DLGAP1: variants seen among roughly 807,000 people sequenced by gnomAD.
DLGAP1 encodes the protein disks large-associated protein 1.
In DLGAP1, 11 loss-of-function variants were observed where a neutral mutation model predicts 90.8. The observed-to-expected ratio is 0.12, with a 90% CI of 0.08 to 0.20. The LOEUF (loss-of-function observed/expected upper bound fraction) is 0.20, where lower values mean the gene tolerates loss of function less well. Among genes scored for constraint, DLGAP1 ranks in the 10% least tolerant of loss-of-function variants. The probability of loss-of-function intolerance (pLI) is 1.00; values close to 1 mark genes in which losing one functional copy is unlikely to be tolerated. For synonymous variants in DLGAP1, 558 were observed against 540.7 expected (o/e 1.03, Z -0.44); for missense variants, 1,050 against 1,333.8 (o/e 0.79, Z 3.31).
chr18:3,674,250 A>G (rs945257115), intron 7 of DLGAP1, among the ~76,000 whole-genome samples: 25 of 149,776 alleles, frequency 1.7e-4, no homozygotes, highest in African/African-American at 5.9e-4. Context: ...CAGGAGTTTG[A>G]GAACAGCCTG....
At chr18:3,514,619 A>C (rs2143970272) in intron 10 of DLGAP1, among the ~76,000 whole-genome samples, 1 of 152,308 alleles carries the variant, frequency 6.6e-6, no homozygotes, top group African/African-American at 2.4e-5. Context: ...ACAATAAATG[A>C]ATATCACAAT....
chr18:3,985,521 C>T (rs2073824243), intron 3 of DLGAP1, among the ~76,000 whole-genome samples: 1 of 145,702 alleles, frequency 6.9e-6, no homozygotes, highest in Non-Finnish European at 1.5e-5. Flanking sequence ...CTTCGACTTA[C>T]TTTTTTTTTT....
At chr18:4,332,050 GA>G (rs2080964785) in intron 1 of DLGAP1, among the ~76,000 whole-genome samples, 1 of 151,890 alleles carries the variant, frequency 6.6e-6, no homozygotes, top group Non-Finnish European at 1.5e-5. Context: ...GTCACATAAA[GA>G]AAGTGAGCCC....
chr18:3,539,750 T>C (rs1276920504), intron 9 of DLGAP1, among the ~76,000 whole-genome samples: 1 of 152,198 alleles, frequency 6.6e-6, no homozygotes, highest in African/African-American at 2.4e-5. Context: ...GCACAGTCAT[T>C]ATCTTTATGA....
chr18:3,541,346 T>G (rs2052682201), intron 9 of DLGAP1, among the ~76,000 whole-genome samples: 2 of 152,198 alleles, frequency 1.3e-5, no homozygotes, highest in Admixed American at 1.3e-4. Context: ...TATGCCAAGT[T>G]TCAGGCTTTT....
intron 1 of DLGAP1, among the ~76,000 whole-genome samples, chr18:4,213,329 T>C (rs1409763352): frequency 1.3e-5 from 2 of 152,122 alleles, no homozygotes; most frequent in African/African-American, 2.4e-5. Flanking sequence ...TGGAGGAGCA[T>C]GGCAGAAACT....
chr18:4,244,601 T>C (rs1231224274), intron 1 of DLGAP1, among the ~76,000 whole-genome samples: 2 of 152,178 alleles, frequency 1.3e-5, no homozygotes, highest in Non-Finnish European at 2.9e-5. Flanking sequence ...CTGCTGGTCA[T>C]TCTTCGTTGA....
intron 7 of DLGAP1, among the ~76,000 whole-genome samples, chr18:3,627,686 G>GCC (rs2058346890): frequency 6.6e-6 from 1 of 151,778 alleles, no homozygotes; most frequent in Admixed American, 6.6e-5. Flanking sequence ...TTAGAGATGG[G>GCC]GTCTTCCTCT....
chr18:4,090,685 G>A (rs1482160092), intron 2 of DLGAP1, among the ~76,000 whole-genome samples: 2 of 152,174 alleles, frequency 1.3e-5, no homozygotes, highest in South Asian at 2.1e-4. Context: ...AAAGTGTGGC[G>A]ATTTCTCAAA....
rs79408466 is a variant in DLGAP1, at chr18:3,821,489, G to A, written c.958-7216C>T. 2.0e-3 allele frequency among the ~76,000 whole-genome samples: 311 copies of A among 151,996 alleles called. 4 individuals carry two copies. In the East Asian group the frequency reaches 0.041, roughly 20 times the overall value. On this transcript the variant is annotated intron_variant, in intron 4 of 12. Coordinates refer to ENST00000315677, the MANE Select transcript of DLGAP1 (RefSeq NM_004746.4). The stretch of plus-strand genomic sequence containing the variant: ...GTGCACGCTCCCACTCAACAGTCGT[G>A]GTTTTTAAAATAAAATGTAACCATT...
chr18:4,164,028 G>A (rs1387831393), intron 1 of DLGAP1, among the ~76,000 whole-genome samples: 1 of 152,104 alleles, frequency 6.6e-6, no homozygotes, highest in African/African-American at 2.4e-5. Flanking sequence ...GCACGGGTGA[G>A]TGGAAACTCT....
At chr18:4,184,995 T>C (rs1160701892) in intron 1 of DLGAP1, among the ~76,000 whole-genome samples, 6 of 152,122 alleles carry the variant, frequency 3.9e-5, no homozygotes, top group Non-Finnish European at 8.8e-5. Flanking sequence ...GCAGTTGATT[T>C]TAATGATCTG....
At chr18:4,125,127 A>G (rs2076212843) in intron 2 of DLGAP1, among the ~76,000 whole-genome samples, 1 of 152,236 alleles carries the variant, frequency 6.6e-6, no homozygotes, top group Non-Finnish European at 1.5e-5. Context: ...GCATAGAAAC[A>G]TTTAAAAAGC....
rs932758657 is a variant in DLGAP1 at position 3,811,171 on chromosome 18, A to T, written c.1172+2888T>A. On this transcript the variant is annotated intron_variant, in intron 5 of 12. Coordinates refer to ENST00000315677, the MANE Select transcript of DLGAP1 (RefSeq NM_004746.4). ...TGAAGATGACGGAGGTTTAATGTGT[A>T]GACTGTAATGACAAAGGGAACTCAT... is the stretch of plus-strand genomic sequence containing the variant. Among the ~76,000 whole-genome samples, 10 of 152,230 alleles carry T rather than the reference A, an allele frequency of 6.6e-5. No homozygotes were observed. The South Asian group carries it at 1.2e-3, about 19-fold the overall frequency.
chr18:3,535,650 G>T (rs1368773512), intron 9 of DLGAP1, among the ~76,000 whole-genome samples: 1 of 151,632 alleles, frequency 6.6e-6, no homozygotes, highest in African/African-American at 2.4e-5. Context: ...GGAGCTTGCA[G>T]TGAGCTGAGA....
In DLGAP1 at chr18:3,591,935, G is replaced by T. The variant is rs78706097; in HGVS notation, c.1592-9687C>A. 5.9e-4 allele frequency among the ~76,000 whole-genome samples: 90 copies of T among 152,194 alleles called. No homozygotes were observed. In the East Asian group the frequency reaches 0.016, roughly 26 times the overall value. ...GACCTCATAACAGAGGGAGTTCTCAGCCCCTGGACCTGTTCAAGCACAGAC... is the reference window on the plus strand; with the variant it reads ...GACCTCATAACAGAGGGAGTTCTCATCCCCTGGACCTGTTCAAGCACAGAC... On this transcript the variant is annotated intron_variant, in intron 7 of 12. Coordinates refer to ENST00000315677, the MANE Select transcript of DLGAP1 (RefSeq NM_004746.4).
At chr18:3,744,149 A>G (rs1318876239) in intron 5 of DLGAP1, among the ~76,000 whole-genome samples, 1 of 152,206 alleles carries the variant, frequency 6.6e-6, no homozygotes, top group Admixed American at 6.5e-5. Context: ...AAAATAAGTA[A>G]TATAAACATT....
chr18:4,235,575 G>A (rs1568464525), intron 1 of DLGAP1, among the ~76,000 whole-genome samples: 1 of 151,928 alleles, frequency 6.6e-6, no homozygotes, highest in Non-Finnish European at 1.5e-5. Context: ...TTGTTCATTT[G>A]TTTTTGCCAG....
chr18:3,510,922 C>CA (rs1170204336), intron 10 of DLGAP1, among the ~76,000 whole-genome samples: 1 of 152,254 alleles, frequency 6.6e-6, no homozygotes, highest in African/African-American at 2.4e-5. Context: ...GGGGCTAAGT[C>CA]AGATGTCTTC....
Sources: allele counts gnomAD v4.1 joint callset (sites outside exome capture counted in the v4.1 genomes callset), GRCh38; gene constraint gnomAD v4.1.1; transcripts MANE v1.5; gene names NCBI Gene and HGNC (gene_info 2026-07-23, HGNC 2026-07-21).